Variants in PIK3AP1 observed in about 807,000 individuals in gnomAD.
The protein encoded by PIK3AP1 is phosphoinositide 3-kinase adapter protein 1.
Under a neutral mutation model 88.1 loss-of-function variants are expected in PIK3AP1, and 21 were observed. The ratio of observed to expected loss-of-function variants is 0.24; its 90% CI spans 0.17 to 0.34. The LOEUF is 0.34. Among genes scored for constraint, PIK3AP1 ranks in the 10% least tolerant of loss-of-function variants. PIK3AP1 has a pLI of 1.00. For synonymous variants in PIK3AP1, 398 were observed against 400.0 expected, an observed-to-expected ratio of 1.00 and a Z score of 0.06; for missense variants, 828 against 1,035.7, an observed-to-expected ratio of 0.80 and a Z score of 2.75.
chr10:96,594,653 A>C lies in PIK3AP1; in HGVS notation c.*924T>G, dbSNP rs1848726605. The stretch of plus-strand genomic sequence containing the variant: ...ACCAGAAATAAAACCTATAAAGGAA[A>C]TAGAGCACTAAGTGGGGTCCCTGGA... On this transcript the variant is annotated 3_prime_UTR_variant, in exon 17 of 17. Transcript: ENST00000339364. This position sits in a 1 kb window ranked among gnomAD's most constrained non-coding sequence, Gnocchi z 4.6. 6.6e-6 allele frequency: 1 copy of C among 152,252 alleles called. No individual in the cohort carries two copies. Among genetic ancestry groups the C allele is most frequent in the Non-Finnish European group, 1.5e-5 (1 of 68,050 alleles). The allele number at this position is 152,252 out of a possible 1,614,324, so 9.4% of individuals were successfully genotyped here. A position where few individuals can be genotyped will look rare whatever the true frequency, so the allele number is the denominator to read the frequency against.
rs180917967 is a variant in PIK3AP1 at position 96,675,306 on chromosome 10, G to A, written c.431-18372C>T. On this transcript the variant is annotated intron_variant, in intron 2 of 16. Transcript: ENST00000339364. ...TAAGAGGGGGAAGGAAGGTTGGGTG[G>A]AAGCGTCCTAGACCACTGAGCAGGC... Among the ~76,000 whole-genome samples the A allele has an allele frequency of 3.1e-3, 470 of 152,278 alleles. 5 individuals are homozygous for A. The highest frequency in any genetic ancestry group is 0.027 in the South Asian group (130 of 4,820).
chr10:96,606,522 G>A (rs928203555), intron 14 of PIK3AP1, among the ~76,000 whole-genome samples: 1 of 152,228 alleles, frequency 6.6e-6, no homozygotes, highest in African/African-American at 2.4e-5. Flanking sequence ...GTTTGGCTCT[G>A]AACCTTGGCC....
At position 96,603,993 on chromosome 10, in the gene PIK3AP1, C is replaced by A; in HGVS notation, c.2227G>T (p.Glu743Ter). 1 of 1,606,870 alleles carries A rather than the reference C, an allele frequency of 6.2e-7. No individual in the cohort carries two copies. The highest frequency in any genetic ancestry group is 2.2e-5 in the East Asian group (1 of 44,706). Residue 743 changes from glutamate (E) to a stop codon, truncating the protein, a stop_gained, in exon 15 of 17, where the codon GAA (glutamate) becomes TAA (stop). Coordinates refer to ENST00000339364, the MANE Select transcript of PIK3AP1 (RefSeq NM_152309.3). LOFTEE classifies it high-confidence loss of function. ...RSLLSVSSGMEGDNEDNEVPE... is the reference protein window; with the variant it reads ...RSLLSVSSGM ...CCAGCTCTCACCTCGTTGTCCCCTT[C>A]CATCCCGCTGCTCACACTGAGGAGG...
At chr10:96,632,952 G>C (rs1230638895) in intron 8 of PIK3AP1, 2 of 1,612,812 alleles carry the variant, frequency 1.2e-6, no homozygotes, top group Admixed American at 1.7e-5. Flanking sequence ...AAGCTAGCAG[G>C]GCAGTGAAGA....
At chr10:96,664,898 A>G (rs1843740844) in intron 2 of PIK3AP1, among the ~76,000 whole-genome samples, 1 of 152,156 alleles carries the variant, frequency 6.6e-6, no homozygotes, top group African/African-American at 2.4e-5. Context: ...CAGCAGATTA[A>G]AAGTTTCCTT....
At position 96,595,490 on chromosome 10, in the gene PIK3AP1, CTA is replaced by C. The variant is rs1848738753; in HGVS notation, c.*85_*86del. 1.5e-6 allele frequency: 2 copies of C among 1,342,128 alleles called. No individual in the cohort carries two copies. The highest frequency in any genetic ancestry group is 3.5e-5 in the Admixed American group (2 of 56,792). The allele number at this position is 1,342,128 out of a possible 1,614,324, so 83.1% of individuals were successfully genotyped here. On this transcript the variant is annotated 3_prime_UTR_variant, in exon 17 of 17. Transcript: ENST00000339364. ...ATGGATCTTAAGGTCAACAGTCATG[CTA>C]TAAAACTCAACATGAAGACATCATT...
At chr10:96,693,790 G>T (rs922298310) in intron 2 of PIK3AP1, among the ~76,000 whole-genome samples, 2 of 152,192 alleles carry the variant, frequency 1.3e-5, no homozygotes, top group Admixed American at 1.3e-4. Flanking sequence ...TGTAAAATCT[G>T]CAAACTGCGG....
chr10:96,623,478 T>C lies in PIK3AP1; in HGVS notation c.1729A>G (p.Arg577Gly). 6.2e-7 allele frequency: 1 copy of C among 1,610,946 alleles called. No homozygotes were observed. Among genetic ancestry groups the C allele is most frequent in the South Asian group, 1.1e-5 (1 of 91,018 alleles). The change falls in exon 11 of 17, where the codon AGG (arginine) becomes GGG (glycine). Residue 577 changes from arginine (R) to glycine (G), a missense_variant. By Grantham distance (125) the Arg-to-Gly change is moderately radical. Transcript: ENST00000339364. ...CATATAACACATGGCTTACCTTTCC[T>C]GATGCTCTCTGAGGAAACGTAGAAA... is the stretch of plus-strand genomic sequence containing the variant. ...GNFYVSSESI[R>G]KGPPVRPWRD...
chr10:96,638,591 A>G (rs951018709), intron 8 of PIK3AP1, among the ~76,000 whole-genome samples: 5 of 152,192 alleles, frequency 3.3e-5, no homozygotes, highest in Non-Finnish European at 5.9e-5. Flanking sequence ...GAAGCTGCAA[A>G]CAAGTTCTGT....
chr10:96,603,671 T>TACACAC lies in PIK3AP1; in HGVS notation c.2241+302_2241+307dup, dbSNP rs10528215. 353 of 163,122 alleles carry TACACAC rather than the reference T, an allele frequency of 2.2e-3. 2 individuals are homozygous for TACACAC. Among genetic ancestry groups the TACACAC allele is most frequent in the African/African-American group, 8.4e-3 (337 of 40,118 alleles). The allele number at this position is 163,122 out of a possible 1,614,324, so 10.1% of individuals were successfully genotyped here. On this transcript the variant is annotated intron_variant, in intron 15 of 16. Coordinates refer to ENST00000339364, the MANE Select transcript of PIK3AP1 (RefSeq NM_152309.3). ...GATTGTGTGAGTTAATACTACTTAA[T>TACACAC]ACACACACACACACACACACACACA...
chr10:96,657,117 C>T (rs1843625793), intron 2 of PIK3AP1, among the ~76,000 whole-genome samples, 183 bp from the exon 3 acceptor site: 1 of 152,086 alleles, frequency 6.6e-6, no homozygotes, highest in Non-Finnish European at 1.5e-5. Context: ...AGCCAAACAG[C>T]ATGTAGGCCA....
intron 2 of PIK3AP1, among the ~76,000 whole-genome samples, chr10:96,661,819 GGA>G (rs1843690827): frequency 6.8e-6 from 1 of 146,648 alleles, no homozygotes; most frequent in Non-Finnish European, 1.5e-5. Flanking sequence ...GGACAGGACA[GGA>G]CAGGACAGGA....
At chr10:96,706,660 G>T (rs1282731115) in intron 2 of PIK3AP1, among the ~76,000 whole-genome samples, 1 of 152,194 alleles carries the variant, frequency 6.6e-6, no homozygotes, top group Non-Finnish European at 1.5e-5. Context: ...AAAATGACTT[G>T]CTCAGTACTA....
rs1310188006 is a variant in PIK3AP1 at position 96,616,814 on chromosome 10, T to C, written c.1942-103A>G. 1.1e-5 allele frequency: 12 copies of C among 1,104,918 alleles called. No homozygotes were observed. The South Asian group carries it at 1.4e-4, about 13-fold the overall frequency. 68.4% of individuals were successfully genotyped at this position (1,104,918 alleles called of 1,614,324 possible). On this transcript the variant is annotated intron_variant, in intron 12 of 16. Transcript: ENST00000339364. ...TATGCTGTTTGCAGGGTATATCACA[T>C]TGCAGTCACATTTACAACATGCAAA... is the stretch of plus-strand genomic sequence containing the variant.
At chr10:96,650,688 G>A (rs559394932) in intron 6 of PIK3AP1, among the ~76,000 whole-genome samples, 1 of 152,310 alleles carries the variant, frequency 6.6e-6, no homozygotes, top group Admixed American at 6.5e-5. Context: ...TGCTACCTAA[G>A]CTGCTACAGG....
chr10:96,705,769 G>A (rs1433262953), intron 2 of PIK3AP1, among the ~76,000 whole-genome samples: 1 of 150,576 alleles, frequency 6.6e-6, no homozygotes, highest in East Asian at 2.0e-4. Flanking sequence ...TTTTTGTAGA[G>A]ACAGGGTTTT....
At chr10:96,694,715 T>C (rs12266511) in intron 2 of PIK3AP1, among the ~76,000 whole-genome samples, 3,390 of 152,084 alleles carry the variant, frequency 0.022, 46 homozygotes, top group Middle Eastern at 0.058. Flanking sequence ...TTTACTTTAT[T>C]TTTGTAGAGA....
At chr10:96,653,518 A>T (rs1401716555) in intron 3 of PIK3AP1, among the ~76,000 whole-genome samples, 11 of 105,486 alleles carry the variant, frequency 1.0e-4, no homozygotes, top group African/African-American at 3.8e-4. Context: ...ACAGAGCTTC[A>T]CTCTGTCACC....
intron 2 of PIK3AP1, among the ~76,000 whole-genome samples, chr10:96,686,614 C>G (rs1326788774): frequency 6.6e-6 from 1 of 152,120 alleles, no homozygotes; most frequent in Non-Finnish European, 1.5e-5. Context: ...CACAAGAGCA[C>G]CCGTAGCTTT....
Sources: gnomAD v4.1 joint callset for allele counts (sites outside exome capture counted in the v4.1 genomes callset) on GRCh38, gnomAD v4.1.1 for gene constraint, Gnocchi (gnomAD v3.1) non-coding constraint, MANE v1.5 for transcripts, NCBI Gene and HGNC (gene_info 2026-07-23, HGNC 2026-07-21) for gene names.